Variants in LRRC4C observed in about 807,000 individuals in gnomAD.
LRRC4C encodes the protein leucine-rich repeat-containing protein 4C.
A neutral mutation model predicts 33.6 loss-of-function variants in LRRC4C; 5 were observed. The ratio of observed to expected loss-of-function variants is 0.15; its 90% CI spans 0.08 to 0.31. The LOEUF is 0.31. LRRC4C is among the 10% of genes least tolerant of loss of function. The pLI is 1.00. For missense variants in LRRC4C, 560 were observed against 796.7 expected (o/e 0.70, Z 3.58); for synonymous variants, 329 against 302.0 (o/e 1.09, Z -0.93).
chr11:40,222,332 T>C (rs1167470548), intron 5 of LRRC4C, among the ~76,000 whole-genome samples: 2 of 152,322 alleles, frequency 1.3e-5, no homozygotes, highest in Non-Finnish European at 1.5e-5. Flanking sequence ...TTAAATAAGA[T>C]AGAGGACAAC....
chr11:40,437,942 G>A (rs1317487150), intron 3 of LRRC4C, among the ~76,000 whole-genome samples: 2 of 152,078 alleles, frequency 1.3e-5, no homozygotes, highest in Non-Finnish European at 2.9e-5. Context: ...TCTTGACCTC[G>A]TGATCCATCA....
chr11:40,452,035 C>G (rs1741590204), intron 3 of LRRC4C, among the ~76,000 whole-genome samples: 1 of 152,062 alleles, frequency 6.6e-6, no homozygotes, highest in African/African-American at 2.4e-5. Flanking sequence ...CAGGGAATTC[C>G]CTTTCCTAGC....
chr11:41,020,506 G>GCT (rs1343933794), intron 1 of LRRC4C, among the ~76,000 whole-genome samples: 1 of 152,122 alleles, frequency 6.6e-6, no homozygotes, highest in Non-Finnish European at 1.5e-5. Flanking sequence ...AGAGGAGAAT[G>GCT]CTATGTGAAG....
intron 1 of LRRC4C, among the ~76,000 whole-genome samples, chr11:41,443,324 G>A (rs958431773): frequency 1.3e-5 from 2 of 151,898 alleles, no homozygotes; most frequent in East Asian, 1.9e-4. Flanking sequence ...CCTGGGCAAC[G>A]CAGCGCAACC....
chr11:41,091,242 A>T (rs1032551152), intron 1 of LRRC4C, among the ~76,000 whole-genome samples: 4 of 151,938 alleles, frequency 2.6e-5, no homozygotes, highest in Non-Finnish European at 4.4e-5. Flanking sequence ...GTTTAGTGAT[A>T]TGTTTCATTA....
chr11:40,474,533 C>A (rs758619405), intron 3 of LRRC4C, among the ~76,000 whole-genome samples: 1 of 152,176 alleles, frequency 6.6e-6, no homozygotes, highest in African/African-American at 2.4e-5. Context: ...GCAATGACTT[C>A]ATGACTAAAA....
intron 1 of LRRC4C, among the ~76,000 whole-genome samples, chr11:41,455,627 A>G (rs1956150614): frequency 6.6e-6 from 1 of 152,160 alleles, no homozygotes; most frequent in South Asian, 2.1e-4. Flanking sequence ...TTGAAATTAT[A>G]TTGGAGGAAT....
intron 2 of LRRC4C, among the ~76,000 whole-genome samples, chr11:40,665,366 ATATATATATATATATATATAT>A (rs1943744214): frequency 9.6e-5 from 3 of 31,160 alleles, no homozygotes; most frequent in African/African-American, 2.1e-4. Flanking sequence ...ATATATATGT[ATATATATATATATATATATAT>A]TATTAGGGGT....
chr11:41,314,366 G>A (rs1473968770), intron 1 of LRRC4C, among the ~76,000 whole-genome samples: 3 of 152,116 alleles, frequency 2.0e-5, no homozygotes, highest in Non-Finnish European at 4.4e-5. Context: ...CACTTAATAT[G>A]TTCTAGGCAC....
At chr11:40,686,710 C>A (rs984899865) in intron 2 of LRRC4C, among the ~76,000 whole-genome samples, 28 of 152,148 alleles carry the variant, frequency 1.8e-4, no homozygotes, top group African/African-American at 6.0e-4. Flanking sequence ...ATTCATCTTA[C>A]AAGAGCAGTG....
intron 2 of LRRC4C, among the ~76,000 whole-genome samples, chr11:40,722,701 GT>G (rs1236620748): frequency 6.6e-6 from 1 of 152,182 alleles, no homozygotes; most frequent in Non-Finnish European, 1.5e-5. Flanking sequence ...AAAAGTCAGA[GT>G]GTTTTGTTAC....
intron 1 of LRRC4C, among the ~76,000 whole-genome samples, chr11:41,252,279 A>G (rs1434084974): frequency 6.6e-6 from 1 of 151,944 alleles, no homozygotes; most frequent in Non-Finnish European, 1.5e-5. Context: ...ACAAAGTTAG[A>G]CTCCTACCTT....
At chr11:40,176,395 G>C (rs576410051) in intron 5 of LRRC4C, among the ~76,000 whole-genome samples, 1 of 152,214 alleles carries the variant, frequency 6.6e-6, no homozygotes, top group South Asian at 2.1e-4. Flanking sequence ...TCTGTCACAT[G>C]GTGGCAATTA....
At chr11:41,225,040 C>A (rs1038408033) in intron 1 of LRRC4C, among the ~76,000 whole-genome samples, 1 of 152,088 alleles carries the variant, frequency 6.6e-6, no homozygotes, top group Admixed American at 6.6e-5. Flanking sequence ...AGACAAACAT[C>A]ACACGTTCTC....
At chr11:40,290,339 C>T (rs1283787567) in intron 4 of LRRC4C, among the ~76,000 whole-genome samples, 4 of 152,202 alleles carry the variant, frequency 2.6e-5, no homozygotes, top group Non-Finnish European at 5.9e-5. Context: ...TATGCACAAG[C>T]CTATGGGGAT....
At chr11:40,852,972 T>TATC (rs1953588061) in intron 2 of LRRC4C, among the ~76,000 whole-genome samples, 1 of 152,228 alleles carries the variant, frequency 6.6e-6, no homozygotes, top group African/African-American at 2.4e-5. Context: ...TGATCTAATA[T>TATC]ATCAAGCATA....
rs183152466 is a variant in LRRC4C at position 41,422,110 on chromosome 11, A to T, written c.-496+37321T>A. ...TAGAGTATTCTCTTTCCTAGATAGG[A>T]GTGATTAGAGTAATAACTAAAGGGT... On this transcript the variant is annotated intron_variant, in intron 1 of 6. Transcript: ENST00000528697. Among the ~76,000 whole-genome samples the T allele has an allele frequency of 5.3e-5, 8 of 152,146 alleles. No homozygotes were observed. In the East Asian group the frequency reaches 1.2e-3, roughly 22 times the overall value.
chr11:40,169,185 G>A (rs1315035119), intron 5 of LRRC4C, among the ~76,000 whole-genome samples: 7 of 152,026 alleles, frequency 4.6e-5, no homozygotes, highest in Non-Finnish European at 8.8e-5. Context: ...TCTGGGATAC[G>A]GTAAGCTTTA....
intron 3 of LRRC4C, among the ~76,000 whole-genome samples, chr11:40,441,004 G>A (rs1490967080): frequency 6.6e-6 from 1 of 152,048 alleles, no homozygotes; most frequent in Non-Finnish European, 1.5e-5. Flanking sequence ...AATAAACTAT[G>A]CATCAAAAGG....
Sources: allele counts gnomAD v4.1 joint callset (sites outside exome capture counted in the v4.1 genomes callset), GRCh38; gene constraint gnomAD v4.1.1; transcripts MANE v1.5; gene names NCBI Gene and HGNC (gene_info 2026-07-23, HGNC 2026-07-21).